Variants in LARP1 observed in about 807,000 individuals in gnomAD.
LARP1 encodes the protein La ribonucleoprotein 1, translational regulator, also known as la-related protein 1.
In LARP1, 36 loss-of-function variants were observed where a neutral mutation model predicts 122.7. That is an observed-to-expected ratio of 0.29 (90% CI 0.22 to 0.39). The LOEUF is 0.39. Ranked by LOEUF, LARP1 falls within the 10% of genes least tolerant of loss-of-function variation. The pLI, the probability that LARP1 is intolerant of heterozygous loss-of-function variation, is 1.00. For synonymous variants in LARP1, 539 were observed against 528.7 expected, an observed-to-expected ratio of 1.02 and a Z score of -0.27; for missense variants, 1,040 against 1,403.6, an observed-to-expected ratio of 0.74 and a Z score of 4.14.
In LARP1 at chr5:154,790,636, T is replaced by A; in HGVS notation, c.499-9T>A. On this transcript the variant is annotated splice_polypyrimidine_tract_variant and intron_variant, in intron 2 of 18. Transcript: ENST00000518297. The stretch of plus-strand genomic sequence containing the variant: ...CTCCTGGGGCCCTCATAGTGTATGT[T>A]CCCTGCAGGTTGGTGACTTTGGAGA... The A allele has an allele frequency of 6.2e-7, 1 of 1,614,070 alleles. No homozygotes were observed. Among genetic ancestry groups the A allele is most frequent in the Non-Finnish European group, 8.5e-7 (1 of 1,179,956 alleles).
intron 1 of LARP1, among the ~76,000 whole-genome samples, chr5:154,762,457 C>T (rs1754537456): frequency 6.6e-6 from 1 of 152,206 alleles, no homozygotes; most frequent in South Asian, 2.1e-4. Context: ...AAGTGGCCAA[C>T]TTCACATGGC....
intron 1 of LARP1, among the ~76,000 whole-genome samples, chr5:154,695,307 G>A (rs1353424761): frequency 6.6e-6 from 1 of 151,172 alleles, no homozygotes; most frequent in Non-Finnish European, 1.5e-5. Flanking sequence ...GTGAGACTCC[G>A]TCTCAAAAAA....
At chr5:154,798,532 GT>G (rs1177820311) in intron 8 of LARP1, among the ~76,000 whole-genome samples, 3 of 152,040 alleles carry the variant, frequency 2.0e-5, no homozygotes, top group Non-Finnish European at 4.4e-5. Flanking sequence ...TGTTTTGGTT[GT>G]TTTTTTGAGA....
intron 1 of LARP1, among the ~76,000 whole-genome samples, chr5:154,701,156 C>G (rs1205019641): frequency 6.6e-6 from 1 of 151,874 alleles, no homozygotes; most frequent in Non-Finnish European, 1.5e-5. Flanking sequence ...TGTTTTTTGT[C>G]TTAATTTAGT....
chr5:154,705,000 C>T (rs1308000235), intron 1 of LARP1, among the ~76,000 whole-genome samples: 2 of 151,798 alleles, frequency 1.3e-5, no homozygotes, highest in Non-Finnish European at 2.9e-5. Flanking sequence ...CGCCTGTAAT[C>T]CCAGCTACTC....
At chr5:154,813,014 C>G (rs565030025) in intron 18 of LARP1, among the ~76,000 whole-genome samples, 5 of 152,256 alleles carry the variant, frequency 3.3e-5, no homozygotes, top group Admixed American at 1.3e-4. Flanking sequence ...TATTTTAAAA[C>G]TGCCATTTAT....
chr5:154,693,684 TC>T (rs1430991044), intron 1 of LARP1, among the ~76,000 whole-genome samples: 1 of 151,908 alleles, frequency 6.6e-6, no homozygotes, highest in Non-Finnish European at 1.5e-5. Context: ...TGAAACCCCG[TC>T]TCTACTAAAA....
intron 3 of LARP1, among the ~76,000 whole-genome samples, chr5:154,792,171 C>G (rs572661566): frequency 6.6e-6 from 1 of 152,324 alleles, no homozygotes; most frequent in East Asian, 1.9e-4. Context: ...GAGAGGACTC[C>G]TAGTCAGTTC....
chr5:154,706,023 C>T (rs909569105), intron 1 of LARP1, among the ~76,000 whole-genome samples: 2 of 152,046 alleles, frequency 1.3e-5, no homozygotes, highest in Non-Finnish European at 2.9e-5. Context: ...TGGCCGGGCG[C>T]GGTGGCTCAC....
upstream of LARP1, among the ~76,000 whole-genome samples, chr5:154,708,889 GTGT>G (rs1755078876): frequency 2.0e-5 from 3 of 152,204 alleles, no homozygotes; most frequent in African/African-American, 4.8e-5. Context: ...GTGATTACAG[GTGT>G]GAACCACTGC....
Position 154,803,820 on chromosome 5 carries a change from T to C in LARP1, c.2439+75T>C. ...ATTCCAGTGCTTTGCTTCTCTCCCT[T>C]GCCTTGTCTGAGCTAAGGAAGTGCT... On this transcript the variant is annotated intron_variant, in intron 13 of 18. Transcript: ENST00000518297. This position sits in a 1 kb window ranked among gnomAD's most constrained non-coding sequence, Gnocchi z 4.4. The C allele has an allele frequency of 1.4e-6, 2 of 1,429,640 alleles. No homozygotes were observed. Among genetic ancestry groups the C allele is most frequent in the South Asian group, 1.2e-5 (1 of 84,670 alleles). 88.6% of individuals were successfully genotyped at this position (1,429,640 alleles called of 1,614,324 possible).
Position 154,750,143 on chromosome 5 carries a change from A to C in LARP1, c.205+37013A>C, listed in dbSNP as rs145950755. Among the ~76,000 whole-genome samples, 43 of 152,386 alleles carry C rather than the reference A, an allele frequency of 2.8e-4. No homozygotes were observed. The East Asian group carries it at 7.9e-3, about 28-fold the overall frequency. ...TGTCTCTCTTTAGGAAGTTGTCAGC[A>C]CAAGGAGCAAACAAGCACATAATTA... is the stretch of plus-strand genomic sequence containing the variant. On this transcript the variant is annotated intron_variant, in intron 1 of 18. Coordinates refer to the LARP1 transcript ENST00000336314.
chr5:154,804,927 G>A, intron 14 of LARP1: 1 of 456,264 alleles, frequency 2.2e-6, no homozygotes, highest in Non-Finnish European at 4.4e-6. Flanking sequence ...GAACAACGAA[G>A]GGCGTGGGGT....
intron 1 of LARP1, among the ~76,000 whole-genome samples, chr5:154,759,464 C>T (rs1332735652): frequency 6.6e-6 from 1 of 152,132 alleles, no homozygotes. Context: ...GTTGCTGACT[C>T]TTAAGAATTA....
chr5:154,808,695 C>A (rs1013907458), intron 16 of LARP1, 92 bp downstream of exon 16: 2 of 1,328,822 alleles, frequency 1.5e-6, no homozygotes, highest in South Asian at 1.5e-5. Flanking sequence ...GTTGGAAATT[C>A]CTTGCATGTG....
intron 1 of LARP1, among the ~76,000 whole-genome samples, chr5:154,702,548 C>T (rs1471495090): frequency 6.6e-6 from 1 of 150,536 alleles, no homozygotes; most frequent in Non-Finnish European, 1.5e-5. Context: ...ACGAACGAAA[C>T]TCCATCTCCA....
intron 1 of LARP1, among the ~76,000 whole-genome samples, chr5:154,693,842 C>T (rs1187968713): frequency 2.2e-5 from 3 of 138,776 alleles, no homozygotes; most frequent in Non-Finnish European, 4.5e-5. Context: ...GGCGACAGAG[C>T]AAGACTCCGT....
At chr5:154,768,294 A>G (rs1755113686) in intron 1 of LARP1, among the ~76,000 whole-genome samples, 1 of 152,208 alleles carries the variant, frequency 6.6e-6, no homozygotes, top group African/African-American at 2.4e-5. Context: ...ATTCATTCAG[A>G]AAGTTGTGAA....
chr5:154,737,810 G>A (rs1004449453), intron 1 of LARP1, among the ~76,000 whole-genome samples: 3 of 151,472 alleles, frequency 2.0e-5, no homozygotes, highest in Admixed American at 6.6e-5. Flanking sequence ...CCGGTTCCCC[G>A]CCCCTGCCCC....
Sources: allele counts gnomAD v4.1 joint callset (sites outside exome capture counted in the v4.1 genomes callset), GRCh38; gene constraint gnomAD v4.1.1; non-coding constraint Gnocchi (gnomAD v3.1); transcripts MANE v1.5; gene names NCBI Gene and HGNC (gene_info 2026-07-23, HGNC 2026-07-21).